The following MECOM variants were observed in gnomAD, a reference collection of about 807,000 sequenced individuals.
The protein encoded by MECOM is MDS1 and EVI1 complex locus.
Under a neutral mutation model 116.3 loss-of-function variants are expected in MECOM, and 13 were observed. That is an observed-to-expected ratio of 0.11 (90% CI 0.07 to 0.18). The LOEUF is 0.18. MECOM is among the 10% of genes least tolerant of loss of function. The probability of loss-of-function intolerance (pLI) is 1.00; values close to 1 mark genes in which losing one functional copy is unlikely to be tolerated. For synonymous variants in MECOM, 528 were observed against 535.2 expected (o/e 0.99, Z 0.19); for missense variants, 1,299 against 1,509.0 (o/e 0.86, Z 2.31).
intron 2 of MECOM, among the ~76,000 whole-genome samples, chr3:169,325,045 C>A (rs1218237084): frequency 6.6e-6 from 1 of 152,116 alleles, no homozygotes; most frequent in Non-Finnish European, 1.5e-5. Flanking sequence ...ATGATCAAAA[C>A]CAGATCTTGA....
intron 1 of MECOM, among the ~76,000 whole-genome samples, chr3:169,608,073 T>G (rs571572204): frequency 6.6e-6 from 1 of 152,346 alleles, no homozygotes; most frequent in Admixed American, 6.5e-5. Flanking sequence ...CCTTTGTCAT[T>G]GATCACTGAT....
chr3:169,511,636 C>T (rs1029788731), intron 1 of MECOM, among the ~76,000 whole-genome samples: 14 of 151,794 alleles, frequency 9.2e-5, no homozygotes, highest in African/African-American at 3.1e-4. Flanking sequence ...TGATGGTGGG[C>T]GCTTGTAGTC....
At chr3:169,267,763 T>G (rs1009269675) in intron 2 of MECOM, among the ~76,000 whole-genome samples, 1 of 95,170 alleles carries the variant, frequency 1.1e-5, no homozygotes, top group African/African-American at 2.5e-4. Flanking sequence ...GCATAGTCCA[T>G]TTTTTTTTTC....
chr3:169,293,079 G>A (rs1021375415), intron 2 of MECOM, among the ~76,000 whole-genome samples: 2 of 152,124 alleles, frequency 1.3e-5, no homozygotes, highest in African/African-American at 4.8e-5. Context: ...TAGCAAAGGG[G>A]TGGCTGACAT....
At chr3:169,236,997 A>C (rs1754144992) in intron 2 of MECOM, among the ~76,000 whole-genome samples, 1 of 152,178 alleles carries the variant, frequency 6.6e-6, no homozygotes, top group South Asian at 2.1e-4. Context: ...CTTTCACTTG[A>C]CCTATGATCT....
At chr3:169,173,423 ACTT>A (rs754623444) in intron 2 of MECOM, among the ~76,000 whole-genome samples, 31 of 152,088 alleles carry the variant, frequency 2.0e-4, no homozygotes, top group Non-Finnish European at 4.1e-4. Context: ...CCCTGACAAT[ACTT>A]CTAACCACAA....
intron 1 of MECOM, among the ~76,000 whole-genome samples, chr3:169,637,031 A>G (rs1049782296): frequency 6.6e-6 from 1 of 152,112 alleles, no homozygotes; most frequent in African/African-American, 2.4e-5. Context: ...CATTTGACCT[A>G]TAGAATATAG....
chr3:169,364,273 A>C lies in MECOM; in HGVS notation c.375+16914T>G, dbSNP rs1478598702. Among the ~76,000 whole-genome samples, 3 of 152,144 alleles carry C rather than the reference A, an allele frequency of 2.0e-5. No homozygotes were observed. The East Asian group carries it at 5.8e-4, about 30-fold the overall frequency. On this transcript the variant is annotated intron_variant, in intron 2 of 16. Coordinates refer to ENST00000651503, the MANE Select transcript of MECOM (RefSeq NM_004991.4). ...CGACTGTTTTGTTAATAGTTAAGAA[A>C]GGACATTATTACTGCATAAGGACAT...
At chr3:169,454,875 A>G (rs1746216233) in intron 1 of MECOM, among the ~76,000 whole-genome samples, 1 of 152,032 alleles carries the variant, frequency 6.6e-6, no homozygotes, top group Non-Finnish European at 1.5e-5. Context: ...ATACAGAAAC[A>G]CTCCCTGATG....
intron 1 of MECOM, among the ~76,000 whole-genome samples, chr3:169,659,440 A>ATTTTTTTTTTTTTTTTTTTTTTTTTT (rs56270349): frequency 1.6e-5 from 1 of 62,146 alleles, no homozygotes. Context: ...CTAAACACAG[A>ATTTTTTTTTTTTTTTTTTTTTTTTTT]TTTTTTTTTT....
At chr3:169,106,021 T>C (rs1725285700) in intron 10 of MECOM, among the ~76,000 whole-genome samples, 1 of 152,188 alleles carries the variant, frequency 6.6e-6, no homozygotes, top group Non-Finnish European at 1.5e-5. Context: ...GACAACCTGA[T>C]TATATGAAAT....
At chr3:169,392,874 C>T (rs1252993802) in intron 1 of MECOM, among the ~76,000 whole-genome samples, 3 of 152,278 alleles carry the variant, frequency 2.0e-5, no homozygotes, top group South Asian at 2.1e-4. Context: ...TTCATAGTAA[C>T]GTGAGCATCA....
chr3:169,314,010 C>T (rs1719279011), intron 2 of MECOM, among the ~76,000 whole-genome samples: 1 of 152,162 alleles, frequency 6.6e-6, no homozygotes, highest in Admixed American at 6.5e-5. Context: ...AACCTAACAA[C>T]AAATTCAGAA....
At chr3:169,534,554 A>G (rs932648467) in intron 1 of MECOM, among the ~76,000 whole-genome samples, 1 of 152,164 alleles carries the variant, frequency 6.6e-6, no homozygotes, top group Non-Finnish European at 1.5e-5. Flanking sequence ...TTATTAAAAA[A>G]AAACCCTACT....
chr3:169,144,380 T>C (rs960388838), intron 2 of MECOM, among the ~76,000 whole-genome samples: 1 of 152,054 alleles, frequency 6.6e-6, no homozygotes, highest in Non-Finnish European at 1.5e-5. Flanking sequence ...GAAAAACAAA[T>C]TAAAATAATG....
chr3:169,574,946 C>T (rs1055710596), intron 1 of MECOM, among the ~76,000 whole-genome samples: 10 of 152,052 alleles, frequency 6.6e-5, no homozygotes, highest in African/African-American at 1.9e-4. Flanking sequence ...ATAATCTTTC[C>T]GAAGCGCTGA....
intron 1 of MECOM, among the ~76,000 whole-genome samples, chr3:169,410,983 G>T (rs1560237258): frequency 6.6e-6 from 1 of 152,068 alleles, no homozygotes; most frequent in Non-Finnish European, 1.5e-5. Flanking sequence ...TGAATTGTAA[G>T]CATAGCTCCT....
intron 6 of MECOM, 114 bp downstream of exon 6, chr3:169,122,466 A>C: frequency 1.6e-6 from 2 of 1,228,954 alleles, no homozygotes; most frequent in Non-Finnish European, 2.3e-6. Flanking sequence ...TACTTTTCTC[A>C]AGATATTTAT....
chr3:169,230,693 A>G (rs990407216), intron 2 of MECOM, among the ~76,000 whole-genome samples: 1 of 152,200 alleles, frequency 6.6e-6, no homozygotes, highest in Non-Finnish European at 1.5e-5. Flanking sequence ...TGAAGAGCAG[A>G]AAAGAGGCTT....
Sources: gnomAD v4.1 joint callset for allele counts (sites outside exome capture counted in the v4.1 genomes callset) on GRCh38, gnomAD v4.1.1 for gene constraint, MANE v1.5 for transcripts, NCBI Gene and HGNC (gene_info 2026-07-23, HGNC 2026-07-21) for gene names.